The following HDLBP variants were observed in gnomAD, a reference collection of about 807,000 sequenced individuals.
The protein encoded by HDLBP is high density lipoprotein binding protein, also known as vigilin.
In HDLBP, 30 loss-of-function variants were observed where a neutral mutation model predicts 137.3. The ratio of observed to expected loss-of-function variants is 0.22; its 90% confidence interval spans 0.16 to 0.30. HDLBP has a LOEUF of 0.30. Among genes scored for constraint, HDLBP ranks in the 10% least tolerant of loss-of-function variants. HDLBP has a pLI of 1.00. For missense variants in HDLBP, 1,119 were observed against 1,667.3 expected (o/e 0.67, Z 5.73); for synonymous variants, 606 against 596.0 (o/e 1.02, Z -0.24).
chr2:241,254,786 G>A (rs1259989261), intron 9 of HDLBP, among the ~76,000 whole-genome samples: 1 of 152,138 alleles, frequency 6.6e-6, no homozygotes, highest in Non-Finnish European at 1.5e-5. Flanking sequence ...TAAATGACAT[G>A]TTTCTTAAGA....
chr2:241,279,857 A>C, intron 1 of HDLBP: 1 of 957,266 alleles, frequency 1.0e-6, no homozygotes, highest in Non-Finnish European at 1.2e-6. Context: ...ACAAATTTTT[A>C]AGAACCTAAT....
intron 1 of HDLBP, among the ~76,000 whole-genome samples, chr2:241,284,034 A>AC (rs2074713433): frequency 6.6e-6 from 1 of 151,860 alleles, no homozygotes; most frequent in Non-Finnish European, 1.5e-5. Flanking sequence ...CCAGAAAAAA[A>AC]AAAAAGATTC....
chr2:241,248,476 GCAC>G, intron 12 of HDLBP, 128 bp from the exon 13 acceptor site: 1 of 711,286 alleles, frequency 1.4e-6, no homozygotes, highest in Non-Finnish European at 2.5e-6. Flanking sequence ...TCTCCAGGTG[GCAC>G]CTCGTAGCAC....
intron 1 of HDLBP, among the ~76,000 whole-genome samples, chr2:241,286,911 A>C (rs945975166): frequency 6.6e-6 from 1 of 150,446 alleles, no homozygotes; most frequent in African/African-American, 2.4e-5. Flanking sequence ...GCACCACTGC[A>C]CTCCAGCCTG....
At chr2:241,287,020 G>T (rs192128726) in intron 1 of HDLBP, among the ~76,000 whole-genome samples, 77 of 151,946 alleles carry the variant, frequency 5.1e-4, no homozygotes, top group African/African-American at 1.8e-3. Flanking sequence ...TGTATCAAAT[G>T]ACTGGTGATT....
In HDLBP at chr2:241,236,240, G is replaced by C. The variant is rs148227002; in HGVS notation, c.2904+375C>G. On this transcript the variant is annotated intron_variant, in intron 21 of 27. Transcript: ENST00000310931. ...ACGCAGGTGGCACTCGACACTGACT[G>C]CACACAAGGTGAGCTAGGCCTGATA... The C allele has an allele frequency of 1.4e-3, 404 of 279,160 alleles. 2 individuals are homozygous for C. Among genetic ancestry groups the C allele is most frequent in the South Asian group, 2.3e-3 (43 of 18,956 alleles). The allele number at this position is 279,160 out of a possible 1,614,324, so 17.3% of individuals were successfully genotyped here. A position where few individuals can be genotyped will look rare whatever the true frequency, so the allele number is the denominator to read the frequency against.
intron 2 of HDLBP, chr2:241,267,508 C>T (rs772462913): frequency 5.6e-6 from 8 of 1,426,900 alleles, no homozygotes; most frequent in Admixed American, 2.0e-5. Context: ...AGGCTCCAGG[C>T]ATAGATCAAC....
At position 241,277,218 on chromosome 2, in the gene HDLBP, G is replaced by C. The variant is rs548318855; in HGVS notation, c.-102-8677C>G. 6.3e-4 allele frequency among the ~76,000 whole-genome samples: 96 copies of C among 152,150 alleles called. 1 individual carries two copies. Among genetic ancestry groups the C allele is most frequent in the African/African-American group, 2.2e-3 (92 of 41,534 alleles). On this transcript the variant is annotated intron_variant, in intron 1 of 27. Transcript: ENST00000310931. Reference sequence around the variant, plus strand: ...AAACAAGATTGTTGCTTAAAGCCTTGTAACTTTAAGCCATCCTATTAGTGA... The same window carrying C: ...AAACAAGATTGTTGCTTAAAGCCTTCTAACTTTAAGCCATCCTATTAGTGA...
chr2:241,246,275 G>C (rs554645562), intron 16 of HDLBP, among the ~76,000 whole-genome samples: 5 of 152,200 alleles, frequency 3.3e-5, no homozygotes, highest in East Asian at 3.9e-4. Flanking sequence ...AAGTGGGGGT[G>C]GGGGGAGTGT....
intron 4 of HDLBP, among the ~76,000 whole-genome samples, chr2:241,264,046 A>C (rs907342200): frequency 1.4e-4 from 21 of 151,852 alleles, no homozygotes; most frequent in Non-Finnish European, 4.4e-5. Context: ...TAGGTTAAGA[A>C]AGAACAGCAA....
chr2:241,233,667 C>T lies in HDLBP; in HGVS notation c.3288+153G>A, dbSNP rs149256460. 3.3e-5 allele frequency among the ~76,000 whole-genome samples: 5 copies of T among 152,276 alleles called. No individual in the cohort carries two copies. The highest frequency in any genetic ancestry group is 1.2e-4 in the African/African-American group (5 of 41,558). On this transcript the variant is annotated intron_variant, in intron 24 of 27. Transcript: ENST00000310931. The surrounding 1 kb of genome is among the most constrained non-coding windows in gnomAD (Gnocchi z 4.3). Reference sequence around the variant, plus strand: ...CATCTGGCAAGTACCGAGACACAGCCCAAACCTCAAGCCAGAATTAGGTCC... The same window carrying T: ...CATCTGGCAAGTACCGAGACACAGCTCAAACCTCAAGCCAGAATTAGGTCC...
At chr2:241,249,756 C>G (rs557407577) in intron 12 of HDLBP, 85 bp downstream of exon 12, 1 of 1,332,522 alleles carries the variant, frequency 7.5e-7, no homozygotes, top group African/African-American at 1.5e-5. Context: ...TCTCTAAGGC[C>G]GCACACCACA....
chr2:241,254,405 G>A (rs1231220562), intron 9 of HDLBP, among the ~76,000 whole-genome samples: 1 of 151,984 alleles, frequency 6.6e-6, no homozygotes, highest in Non-Finnish European at 1.5e-5. Flanking sequence ...TTTCCTGGGG[G>A]CTACAATCTC....
Position 241,236,620 on chromosome 2 carries a change from G to A in HDLBP, c.2899C>T (p.Leu967=). 2 of 1,614,080 alleles carry A rather than the reference G, an allele frequency of 1.2e-6. No homozygotes were observed. Among genetic ancestry groups the A allele is most frequent in the South Asian group, 2.2e-5 (2 of 91,072 alleles). Residue 967 remains leucine, a synonymous_variant, in exon 21 of 28, where the codon CTG becomes TTG. Coordinates refer to ENST00000310931, the MANE Select transcript of HDLBP (RefSeq NM_005336.6). ...GGGGGCACATGGACACATACCTCCA[G>A]AGCTTCCTTGGCAGCCTCACACTTT... The part of the protein sequence containing the change: ...KEKCEAAKEA[L]EALVPVTIEV...
chr2:241,307,865 C>T (rs1482912129), intron 1 of HDLBP, among the ~76,000 whole-genome samples: 1 of 151,418 alleles, frequency 6.6e-6, no homozygotes, highest in Admixed American at 6.6e-5. Context: ...TGATAGGACC[C>T]TTGAACTAAT....
intron 1 of HDLBP, chr2:241,273,743 C>G: frequency 1.2e-6 from 1 of 868,370 alleles, no homozygotes; most frequent in East Asian, 1.2e-4. Context: ...CCCAGCCTTA[C>G]CCAGGGAATG....
At chr2:241,265,683 T>C (rs2149536774) in intron 3 of HDLBP, among the ~76,000 whole-genome samples, 1 of 152,312 alleles carries the variant, frequency 6.6e-6, no homozygotes, top group Admixed American at 6.5e-5. Flanking sequence ...CATGAATGGA[T>C]GTGACAGAGA....
In HDLBP at chr2:241,233,334, G is replaced by A. The variant is rs1226826981; in HGVS notation, c.3288+486C>T. Among the ~76,000 whole-genome samples, 4 of 152,212 alleles carry A rather than the reference G, an allele frequency of 2.6e-5. No homozygotes were observed. In the East Asian group the frequency reaches 7.7e-4, roughly 29 times the overall value. The stretch of plus-strand genomic sequence containing the variant: ...GTGAAGCAGGAGGCCATGAGGGCCA[G>A]TGGCAGGGGGGTGGCACTGCAATTT... On this transcript the variant is annotated intron_variant, in intron 24 of 27. Transcript: ENST00000310931. The surrounding 1 kb of genome is among the most constrained non-coding windows in gnomAD (Gnocchi z 4.3).
intron 1 of HDLBP, among the ~76,000 whole-genome samples, chr2:241,275,214 A>AATG (rs1342546131): frequency 6.6e-6 from 1 of 152,110 alleles, no homozygotes; most frequent in Admixed American, 6.5e-5. Flanking sequence ...TAAACCTCAT[A>AATG]CCAGGCTAAA....
Sources: gnomAD v4.1 joint callset for allele counts (sites outside exome capture counted in the v4.1 genomes callset) on GRCh38, gnomAD v4.1.1 for gene constraint, Gnocchi (gnomAD v3.1) non-coding constraint, MANE v1.5 for transcripts, NCBI Gene and HGNC (gene_info 2026-07-23, HGNC 2026-07-21) for gene names.